The following SNX18 variants were observed in gnomAD, a reference collection of about 807,000 sequenced individuals.
SNX18 encodes sorting nexin-18.
Under a neutral mutation model 48.7 loss-of-function variants are expected in SNX18, and 35 were observed. The observed-to-expected ratio is 0.72, with a 90% CI of 0.55 to 0.95. The LOEUF is 0.95. Ranked by LOEUF, SNX18 falls within the 40% of genes least tolerant of loss-of-function variation. SNX18 has a pLI of 0.00. For missense variants in SNX18, 824 were observed against 871.0 expected (o/e 0.95, Z 0.68); for synonymous variants, 492 against 384.7 (o/e 1.28, Z -3.26).
chr5:54,609,516 G>T, the SNX18 span, among the ~76,000 whole-genome samples: 2 of 151,914 alleles, frequency 1.3e-5, no homozygotes, highest in Admixed American at 1.3e-4. Context: ...TCAGAGTCTT[G>T]CTATGTTGCT....
At chr5:54,564,722 G>A in the SNX18 span, among the ~76,000 whole-genome samples, 3 of 151,958 alleles carry the variant, frequency 2.0e-5, no homozygotes, top group Middle Eastern at 3.2e-3. Flanking sequence ...GCTGGGTGCG[G>A]TGGTACGTGC....
At chr5:54,533,173 A>G (rs576864592) in intron 1 of SNX18, among the ~76,000 whole-genome samples, 3 of 152,264 alleles carry the variant, frequency 2.0e-5, no homozygotes, top group East Asian at 3.9e-4. Context: ...AAATGGTTCA[A>G]AAGTTCTCTT....
chr5:54,588,052 A>G, the SNX18 span, among the ~76,000 whole-genome samples: 4 of 152,114 alleles, frequency 2.6e-5, no homozygotes, highest in East Asian at 7.7e-4. Flanking sequence ...TCTTCTAGGG[A>G]ATCCAAGCAA....
the SNX18 span, among the ~76,000 whole-genome samples, chr5:54,636,807 T>C: frequency 6.6e-6 from 1 of 152,202 alleles, no homozygotes; most frequent in African/African-American, 2.4e-5. Context: ...TAGAACTCAC[T>C]TACTCCTCAC....
At chr5:54,522,124 G>A (rs1384354134) in intron 1 of SNX18, among the ~76,000 whole-genome samples, 1 of 152,178 alleles carries the variant, frequency 6.6e-6, no homozygotes, top group East Asian at 1.9e-4. Context: ...CATTTAAAGT[G>A]ACAGTGTGCG....
the SNX18 span, among the ~76,000 whole-genome samples, chr5:54,561,931 A>G: frequency 6.6e-6 from 1 of 152,200 alleles, no homozygotes; most frequent in Admixed American, 6.5e-5. Context: ...TTTTTTCATC[A>G]GACTATGATT....
the SNX18 span, among the ~76,000 whole-genome samples, chr5:54,602,374 T>G: frequency 6.6e-6 from 1 of 152,116 alleles, no homozygotes; most frequent in African/African-American, 2.4e-5. Flanking sequence ...CTAGCAGGCT[T>G]TTGGAGCCTG....
At chr5:54,637,287 A>T in the SNX18 span, among the ~76,000 whole-genome samples, 1 of 152,210 alleles carries the variant, frequency 6.6e-6, no homozygotes, top group African/African-American at 2.4e-5. Flanking sequence ...ATCTGAAATA[A>T]ATCTCCTATA....
chr5:54,640,982 T>C, the SNX18 span, among the ~76,000 whole-genome samples: 3 of 152,088 alleles, frequency 2.0e-5, no homozygotes, highest in Non-Finnish European at 4.4e-5. Flanking sequence ...ACTGCTTGAA[T>C]GTGGGAGGTG....
At chr5:54,640,268 C>T in the SNX18 span, among the ~76,000 whole-genome samples, 2 of 151,020 alleles carry the variant, frequency 1.3e-5, no homozygotes, top group South Asian at 2.1e-4. Flanking sequence ...GACTGGAGTG[C>T]GGTAGCTCTA....
the SNX18 span, among the ~76,000 whole-genome samples, chr5:54,573,785 G>A: frequency 6.6e-6 from 1 of 152,162 alleles, no homozygotes; most frequent in East Asian, 1.9e-4. Context: ...ACTAGACACA[G>A]GAAAAGCAGG....
chr5:54,578,454 C>T, the SNX18 span, among the ~76,000 whole-genome samples: 1 of 152,178 alleles, frequency 6.6e-6, no homozygotes, highest in Non-Finnish European at 1.5e-5. Flanking sequence ...GCCTTAGTGG[C>T]TCTGCCTCCA....
chr5:54,573,751 G>C, the SNX18 span, among the ~76,000 whole-genome samples: 1 of 152,180 alleles, frequency 6.6e-6, no homozygotes, highest in Admixed American at 6.5e-5. Context: ...GAGTATTGTG[G>C]CAGTAGGCCT....
the SNX18 span, among the ~76,000 whole-genome samples, chr5:54,569,109 C>T: frequency 6.6e-6 from 1 of 151,988 alleles, no homozygotes; most frequent in African/African-American, 2.4e-5. Context: ...TCCCAAAGTG[C>T]TGGGATTACA....
chr5:54,541,745 G>A (rs527664468), intron 1 of SNX18, among the ~76,000 whole-genome samples: 7 of 152,230 alleles, frequency 4.6e-5, no homozygotes, highest in Admixed American at 1.3e-4. Flanking sequence ...ACACCTACAC[G>A]TACATATATA....
chr5:54,522,531 G>A (rs1038099438), intron 1 of SNX18, among the ~76,000 whole-genome samples: 1 of 152,006 alleles, frequency 6.6e-6, no homozygotes. Flanking sequence ...TCATCTCATT[G>A]CACCTCCTCC....
chr5:54,559,005 A>C, the SNX18 span, among the ~76,000 whole-genome samples: 2 of 152,176 alleles, frequency 1.3e-5, 1 homozygote, highest in South Asian at 4.1e-4. Context: ...ATACCTAGGA[A>C]TACAGCTAAC....
chr5:54,522,931 A>G (rs1310473671), intron 1 of SNX18, among the ~76,000 whole-genome samples: 1 of 152,170 alleles, frequency 6.6e-6, no homozygotes, highest in Admixed American at 6.5e-5. Context: ...ATTTTTTTTC[A>G]TCAACGGATG....
At chr5:54,560,030 A>G in the SNX18 span, among the ~76,000 whole-genome samples, 1 of 152,172 alleles carries the variant, frequency 6.6e-6, no homozygotes, top group Admixed American at 6.6e-5. Context: ...TCTCAGTGGG[A>G]ATGTAAATTA....
Sources: gnomAD v4.1 joint callset for allele counts (sites outside exome capture counted in the v4.1 genomes callset) on GRCh38, gnomAD v4.1.1 for gene constraint, MANE v1.5 for transcripts, NCBI Gene and HGNC (gene_info 2026-07-23, HGNC 2026-07-21) for gene names.